Variants in VAV3 observed in about 807,000 individuals in gnomAD.
VAV3 encodes guanine nucleotide exchange factor VAV3.
Under a neutral mutation model 131.2 loss-of-function variants are expected in VAV3, and 94 were observed. The observed-to-expected ratio is 0.72, with a 90% CI of 0.61 to 0.85. The LOEUF (loss-of-function observed/expected upper bound fraction) is 0.85, where lower values mean the gene tolerates loss of function less well. Among genes scored for constraint, VAV3 ranks in the 40% least tolerant of loss-of-function variants. The pLI, the probability that VAV3 is intolerant of heterozygous loss-of-function variation, is 0.00. For synonymous variants in VAV3, 349 were observed against 342.0 expected (o/e 1.02, Z -0.22); for missense variants, 939 against 1,002.7 (o/e 0.94, Z 0.86).
chr1:107,642,767 C>G lies in VAV3; in HGVS notation c.1778-12G>C. On this transcript the variant is annotated splice_polypyrimidine_tract_variant and intron_variant, in intron 19 of 26. Transcript: ENST00000370056. ...CATCTTTGGTAAACCTGAAAATAAGCCAAACAAGTTTTAGAATTGAGAAAA... is the reference window on the plus strand; with the variant it reads ...CATCTTTGGTAAACCTGAAAATAAGGCAAACAAGTTTTAGAATTGAGAAAA... 1.2e-6 allele frequency: 2 copies of G among 1,612,804 alleles called. No homozygotes were observed. Among genetic ancestry groups the G allele is most frequent in the Non-Finnish European group, 1.7e-6 (2 of 1,179,340 alleles).
intron 2 of VAV3, among the ~76,000 whole-genome samples, chr1:107,783,587 T>C (rs1458299370): frequency 6.6e-6 from 1 of 152,100 alleles, no homozygotes; most frequent in Non-Finnish European, 1.5e-5. Context: ...TCTCTGTGTC[T>C]TCTACATGGT....
At chr1:107,866,715 C>T (rs1420335312) in intron 2 of VAV3, among the ~76,000 whole-genome samples, 3 of 145,374 alleles carry the variant, frequency 2.1e-5, no homozygotes, top group Admixed American at 1.4e-4. Flanking sequence ...CCCAGCTACT[C>T]GGGAGGCTGA....
At chr1:107,646,541 T>C (rs1655750863) in intron 19 of VAV3, among the ~76,000 whole-genome samples, 1 of 152,122 alleles carries the variant, frequency 6.6e-6, no homozygotes, top group Non-Finnish European at 1.5e-5. Flanking sequence ...GAGAATATGA[T>C]TAAAATACTA....
Position 107,753,528 on chromosome 1 carries a change from GTA to G in VAV3, c.1173+1897_1173+1898del, listed in dbSNP as rs1491139384. Among the ~76,000 whole-genome samples the G allele has an allele frequency of 1.7e-3, 121 of 73,068 alleles. 1 individual carries two copies. Among genetic ancestry groups the G allele is most frequent in the South Asian group, 4.2e-3 (9 of 2,122 alleles). 47.9% of individuals were successfully genotyped at this position (73,068 alleles called of 152,430 possible). On this transcript the variant is annotated intron_variant, in intron 12 of 26. Coordinates refer to ENST00000370056, the MANE Select transcript of VAV3 (RefSeq NM_006113.5). Reference sequence around the variant, plus strand: ...TATATACACACATATATATATATACGTATATATATATATATATATATACACAC... The same window carrying G: ...TATATACACACATATATATATATACGTATATATATATATATATATACACAC...
intron 1 of VAV3, among the ~76,000 whole-genome samples, chr1:107,891,838 CAAAAAAAA>C (rs35693360): frequency 3.6e-5 from 1 of 27,926 alleles, no homozygotes; most frequent in East Asian, 1.2e-3. Context: ...GACTCCGTCT[CAAAAAAAA>C]AAAAAAAAAA....
At chr1:107,625,321 C>A (rs12145107) in intron 20 of VAV3, among the ~76,000 whole-genome samples, 6 of 151,084 alleles carry the variant, frequency 4.0e-5, no homozygotes, top group Admixed American at 2.6e-4. Context: ...TGCAATGGCG[C>A]GATCTCTGGA....
chr1:107,787,066 C>T (rs1309767456), intron 2 of VAV3, among the ~76,000 whole-genome samples: 1 of 152,092 alleles, frequency 6.6e-6, no homozygotes, highest in Non-Finnish European at 1.5e-5. Flanking sequence ...TCTGAAGGAC[C>T]ATTTATGGAC....
chr1:107,905,384 T>C (rs531108120), intron 1 of VAV3, among the ~76,000 whole-genome samples: 1 of 152,332 alleles, frequency 6.6e-6, no homozygotes, highest in East Asian at 1.9e-4. Flanking sequence ...TATTTGTTCT[T>C]TCTAGCTATG....
At chr1:107,682,105 A>C (rs1658676940) in intron 19 of VAV3, among the ~76,000 whole-genome samples, 2 of 152,218 alleles carry the variant, frequency 1.3e-5, no homozygotes, top group South Asian at 4.1e-4. Context: ...AAAGGAGTAT[A>C]AATCTGTTTT....
At chr1:107,874,691 A>C (rs901926241) in intron 2 of VAV3, among the ~76,000 whole-genome samples, 2 of 149,646 alleles carry the variant, frequency 1.3e-5, no homozygotes, top group Admixed American at 1.3e-4. Flanking sequence ...AGTTGATGCT[A>C]ATTTTTTGGT....
At chr1:107,738,766 G>A (rs541551357) in intron 15 of VAV3, among the ~76,000 whole-genome samples, 2 of 152,076 alleles carry the variant, frequency 1.3e-5, no homozygotes, top group Non-Finnish European at 2.9e-5. Context: ...TATTATCATA[G>A]AATTCACTGC....
At chr1:107,619,554 C>T (rs1385985080) in intron 20 of VAV3, among the ~76,000 whole-genome samples, 1 of 151,964 alleles carries the variant, frequency 6.6e-6, no homozygotes, top group Admixed American at 6.6e-5. Flanking sequence ...TGGTAGGAAC[C>T]ATACACTGAT....
At chr1:107,776,193 T>C (rs964081922) in intron 4 of VAV3, among the ~76,000 whole-genome samples, 5 of 152,200 alleles carry the variant, frequency 3.3e-5, no homozygotes, top group African/African-American at 1.2e-4. Flanking sequence ...CAGTAGATGC[T>C]AGATGCAGTT....
chr1:107,675,117 A>G (rs1303198271), intron 19 of VAV3, among the ~76,000 whole-genome samples: 1 of 152,190 alleles, frequency 6.6e-6, no homozygotes, highest in Non-Finnish European at 1.5e-5. Context: ...ACAGAACCCA[A>G]CTAAGCCATG....
chr1:107,936,567 G>C (rs1212209642), intron 1 of VAV3, among the ~76,000 whole-genome samples: 3 of 152,058 alleles, frequency 2.0e-5, no homozygotes, highest in Non-Finnish European at 2.9e-5. Context: ...GTTTTTAATT[G>C]TTTTCATTCA....
At chr1:107,833,886 CA>C (rs1668364925) in intron 2 of VAV3, among the ~76,000 whole-genome samples, 1 of 152,210 alleles carries the variant, frequency 6.6e-6, no homozygotes, top group Admixed American at 6.5e-5. Context: ...TACAAGTAAT[CA>C]AGCACTAGCC....
At chr1:107,829,594 G>C (rs747117214) in intron 2 of VAV3, among the ~76,000 whole-genome samples, 3 of 151,934 alleles carry the variant, frequency 2.0e-5, no homozygotes, top group Non-Finnish European at 4.4e-5. Context: ...AATAACCACA[G>C]TATTTTTTTT....
chr1:107,671,086 T>C (rs1449546120), intron 19 of VAV3, among the ~76,000 whole-genome samples: 1 of 152,196 alleles, frequency 6.6e-6, no homozygotes, highest in East Asian at 1.9e-4. Context: ...GTTAGGCCTA[T>C]AATGGTAGGT....
At chr1:107,954,774 G>A (rs1478988636) in intron 1 of VAV3, among the ~76,000 whole-genome samples, 2 of 150,908 alleles carry the variant, frequency 1.3e-5, no homozygotes, top group African/African-American at 4.9e-5. Flanking sequence ...TGGGAGGGGG[G>A]GAAATTCATT....
Sources: gnomAD v4.1 joint callset for allele counts (sites outside exome capture counted in the v4.1 genomes callset) on GRCh38, gnomAD v4.1.1 for gene constraint, MANE v1.5 for transcripts, NCBI Gene and HGNC (gene_info 2026-07-23, HGNC 2026-07-21) for gene names.